ETV6: variants seen among roughly 807,000 people sequenced by gnomAD.
The protein encoded by ETV6 is ETS variant transcription factor 6.
A neutral mutation model predicts 51.1 loss-of-function variants in ETV6; 16 were observed. The ratio of observed to expected loss-of-function variants is 0.31; its 90% confidence interval spans 0.21 to 0.48. The LOEUF (loss-of-function observed/expected upper bound fraction) is 0.48, where lower values mean the gene tolerates loss of function less well. Ranked by LOEUF, ETV6 falls within the 20% of genes least tolerant of loss-of-function variation. The pLI is 0.99. For missense variants in ETV6, 458 were observed against 594.8 expected (o/e 0.77, Z 2.39); for synonymous variants, 240 against 224.1 (o/e 1.07, Z -0.64).
At chr12:11,766,880 C>T (rs1030439288) in intron 2 of ETV6, among the ~76,000 whole-genome samples, 3 of 152,098 alleles carry the variant, frequency 2.0e-5, no homozygotes, top group African/African-American at 7.2e-5. Flanking sequence ...GAATTCTTTG[C>T]TTTGTTGAAG....
intron 1 of ETV6, among the ~76,000 whole-genome samples, chr12:11,739,160 G>T (rs1352338808): frequency 6.6e-6 from 1 of 152,172 alleles, no homozygotes; most frequent in African/African-American, 2.4e-5. Context: ...GGGGCTCATG[G>T]TCTCTGAGGA....
At chr12:11,691,359 G>A (rs1036691635) in intron 1 of ETV6, among the ~76,000 whole-genome samples, 2 of 152,154 alleles carry the variant, frequency 1.3e-5, no homozygotes, top group Admixed American at 6.5e-5. Context: ...CTGCGTCTGA[G>A]CAGATTGCCA....
chr12:11,677,547 A>G (rs2120728521), intron 1 of ETV6, among the ~76,000 whole-genome samples: 1 of 152,320 alleles, frequency 6.6e-6, no homozygotes, highest in East Asian at 1.9e-4. Flanking sequence ...TTTTACTAGG[A>G]CAGAGCTAAA....
chr12:11,838,975 G>A (rs1345863149), intron 2 of ETV6, among the ~76,000 whole-genome samples, 165 bp from the exon 3 acceptor site: 1 of 152,260 alleles, frequency 6.6e-6, no homozygotes, highest in Non-Finnish European at 1.5e-5. Context: ...CCCCAGTGGG[G>A]CGGCTCAAAC....
chr12:11,883,006 G>GTTCATACTTGTAA, intron 5 of ETV6, among the ~76,000 whole-genome samples: 1 of 152,350 alleles, frequency 6.6e-6, no homozygotes, highest in Non-Finnish European at 1.5e-5. Context: ...AAAGTGCCGA[G>GTTCATACTTGTAA]TTCATACTTG....
At chr12:11,695,915 G>A (rs560341212) in intron 1 of ETV6, among the ~76,000 whole-genome samples, 3 of 152,146 alleles carry the variant, frequency 2.0e-5, no homozygotes, top group South Asian at 2.1e-4. Flanking sequence ...CCTAATCATC[G>A]ACTCATGGAA....
chr12:11,889,476 A>C (rs1447709985), intron 7 of ETV6, among the ~76,000 whole-genome samples: 1 of 152,204 alleles, frequency 6.6e-6, no homozygotes, highest in Admixed American at 6.5e-5. Context: ...GATACTCTTT[A>C]CAAGATGTTT....
intron 1 of ETV6, among the ~76,000 whole-genome samples, chr12:11,696,237 G>A (rs1448006037): frequency 6.6e-6 from 1 of 151,992 alleles, no homozygotes; most frequent in Non-Finnish European, 1.5e-5. Flanking sequence ...CTTAATGTTT[G>A]TTCTCCTTCC....
chr12:11,886,436 A>G (rs1459579973), intron 7 of ETV6, among the ~76,000 whole-genome samples: 3 of 149,972 alleles, frequency 2.0e-5, no homozygotes, highest in Non-Finnish European at 3.0e-5. Flanking sequence ...ACAGTGAGTC[A>G]TGAAATAGAT....
At chr12:11,699,440 C>T (rs1360366255) in intron 1 of ETV6, among the ~76,000 whole-genome samples, 1 of 152,052 alleles carries the variant, frequency 6.6e-6, no homozygotes. Context: ...ATTTTTCCAG[C>T]CTATAAAACT....
intron 1 of ETV6, among the ~76,000 whole-genome samples, chr12:11,676,567 T>A (rs1864425512): frequency 6.6e-6 from 1 of 151,986 alleles, no homozygotes; most frequent in African/African-American, 2.4e-5. Flanking sequence ...TCCTTCTATC[T>A]CTCTTATCCC....
intron 1 of ETV6, among the ~76,000 whole-genome samples, chr12:11,713,309 C>A (rs895207800): frequency 2.0e-5 from 3 of 152,152 alleles, no homozygotes; most frequent in Non-Finnish European, 2.9e-5. Context: ...GTTTGGTAAT[C>A]ACCTTTTTAG....
chr12:11,763,253 C>T (rs373204665), intron 2 of ETV6, among the ~76,000 whole-genome samples: 1 of 152,234 alleles, frequency 6.6e-6, no homozygotes. Context: ...TCTGAACAGA[C>T]GCAGTTCTCG....
At chr12:11,662,400 T>A (rs1295436401) in intron 1 of ETV6, among the ~76,000 whole-genome samples, 1 of 152,228 alleles carries the variant, frequency 6.6e-6, no homozygotes, top group Non-Finnish European at 1.5e-5. Flanking sequence ...CACTAGCCAG[T>A]TCTTCTGAGA....
In ETV6 at chr12:11,859,501, G is replaced by A. The variant is rs775266572; in HGVS notation, c.463+5940G>A. Among the ~76,000 whole-genome samples, 13 of 151,984 alleles carry A rather than the reference G, an allele frequency of 8.6e-5. No homozygotes were observed. In the South Asian group the frequency reaches 1.2e-3, roughly 15 times the overall value. On this transcript the variant is annotated intron_variant, in intron 4 of 7. Transcript: ENST00000396373. ...ATTTATTGGGTCCTTGTTGTGTGCC[G>A]GCCCTGTTCTAAGCTCTTATATCTT...
At chr12:11,755,658 AAAT>A (rs1944997136) in intron 2 of ETV6, among the ~76,000 whole-genome samples, 1 of 152,206 alleles carries the variant, frequency 6.6e-6, no homozygotes, top group Admixed American at 6.5e-5. Context: ...ACCTAAAAGA[AAAT>A]AAATATTCTA....
intron 1 of ETV6, among the ~76,000 whole-genome samples, chr12:11,653,586 A>G (rs1003345898): frequency 1.3e-5 from 2 of 152,068 alleles, no homozygotes; most frequent in Non-Finnish European, 2.9e-5. Context: ...TGGCATAGAA[A>G]TATTTCTCAG....
chr12:11,798,041 C>T (rs1945702752), intron 2 of ETV6, among the ~76,000 whole-genome samples: 1 of 152,102 alleles, frequency 6.6e-6, no homozygotes, highest in Non-Finnish European at 1.5e-5. Flanking sequence ...ATTATCTTTC[C>T]AAGGAAAACT....
intron 1 of ETV6, among the ~76,000 whole-genome samples, chr12:11,708,257 G>GAA (rs59648448): frequency 1.1e-4 from 13 of 113,282 alleles, no homozygotes; most frequent in African/African-American, 3.6e-4. Context: ...GAGTCTCAGT[G>GAA]AAAAAAAAAA....
Sources: allele counts gnomAD v4.1 joint callset (sites outside exome capture counted in the v4.1 genomes callset), GRCh38; gene constraint gnomAD v4.1.1; transcripts MANE v1.5; gene names NCBI Gene and HGNC (gene_info 2026-07-23, HGNC 2026-07-21).